The following NTSR1 variants were observed in gnomAD, a reference collection of about 807,000 sequenced individuals.
NTSR1 encodes the protein neurotensin receptor 1.
Under a neutral mutation model 31.2 loss-of-function variants are expected in NTSR1, and 29 were observed. That is an observed-to-expected ratio of 0.93 (90% CI 0.69 to 1.27). NTSR1 has a LOEUF of 1.27. NTSR1 is among the 50% of genes most tolerant of loss of function. NTSR1 has a pLI of 0.00. For synonymous variants in NTSR1, 282 were observed against 269.9 expected, an observed-to-expected ratio of 1.04 and a Z score of -0.44; for missense variants, 697 against 595.4, an observed-to-expected ratio of 1.17 and a Z score of -1.78.
chr20:62,722,590 G>C lies in NTSR1; in HGVS notation c.714+12669G>C, dbSNP rs182184660. Among the ~76,000 whole-genome samples, 472 of 152,312 alleles carry C rather than the reference G, an allele frequency of 3.1e-3. 5 individuals carry two copies. The highest frequency in any genetic ancestry group is 0.011 in the African/African-American group (445 of 41,558). The stretch of plus-strand genomic sequence containing the variant: ...GCAGATGTAGCCACAGCCACAGCCC[G>C]CATCTCTGATCTCTGCCTCCTTGGC... On this transcript the variant is annotated intron_variant, in intron 1 of 3. Coordinates refer to ENST00000370501, the MANE Select transcript of NTSR1 (RefSeq NM_002531.3).
intron 1 of NTSR1, among the ~76,000 whole-genome samples, chr20:62,731,510 A>G (rs997944282): frequency 6.6e-6 from 1 of 152,196 alleles, no homozygotes; most frequent in Non-Finnish European, 1.5e-5. Flanking sequence ...AGATACCTAG[A>G]TTTTATTACC....
At position 62,714,823 on chromosome 20, in the gene NTSR1, G is replaced by A. The variant is rs536035999; in HGVS notation, c.714+4902G>A. ...ACAAGTCAACCTGTCGCAGAAAGCC[G>A]GCACCAAAGCTGATCATTCTTCCTG... On this transcript the variant is annotated intron_variant, in intron 1 of 3. Coordinates refer to ENST00000370501, the MANE Select transcript of NTSR1 (RefSeq NM_002531.3). The surrounding 1 kb of genome is among the most constrained non-coding windows in gnomAD (Gnocchi z 4.1). Among the ~76,000 whole-genome samples, 2 of 152,266 alleles carry A rather than the reference G, an allele frequency of 1.3e-5. No homozygotes were observed. Among genetic ancestry groups the A allele is most frequent in the East Asian group, 1.9e-4 (1 of 5,192 alleles).
At position 62,741,247 on chromosome 20, in the gene NTSR1, C is replaced by A. The variant is rs1043363338; in HGVS notation, c.715-13438C>A. ...CTGCCAGTCCCGCAGCTCAGCCGGG[C>A]ACAGACAGGATGTGGCTTCCAGGGG... On this transcript the variant is annotated intron_variant, in intron 1 of 3. Transcript: ENST00000370501. The surrounding 1 kb of genome is among the most constrained non-coding windows in gnomAD (Gnocchi z 4.3). Among the ~76,000 whole-genome samples the A allele has an allele frequency of 6.4e-4, 97 of 152,350 alleles. No individual in the cohort carries two copies. Among genetic ancestry groups the A allele is most frequent in the Non-Finnish European group, 7.5e-4 (51 of 68,034 alleles).
At position 62,743,780 on chromosome 20, in the gene NTSR1, A is replaced by G. The variant is rs1422843754; in HGVS notation, c.715-10905A>G. On this transcript the variant is annotated intron_variant, in intron 1 of 3. Coordinates refer to ENST00000370501, the MANE Select transcript of NTSR1 (RefSeq NM_002531.3). The surrounding 1 kb of genome is among the most constrained non-coding windows in gnomAD (Gnocchi z 7.5). ...TGAATTAGAGAGAAAGGCAGAATAC[A>G]AAACAAGCAATTGCTCTCGAAGAGC... 6.6e-6 allele frequency among the ~76,000 whole-genome samples: 1 copy of G among 152,246 alleles called. No homozygotes were observed.
chr20:62,752,175 T>C (rs1280858516), intron 1 of NTSR1, among the ~76,000 whole-genome samples: 1 of 152,164 alleles, frequency 6.6e-6, no homozygotes, highest in East Asian at 1.9e-4. Context: ...GGCCTGTCCT[T>C]CCCCTCGCTC....
At chr20:62,728,763 G>A (rs1034839393) in intron 1 of NTSR1, among the ~76,000 whole-genome samples, 1 of 152,170 alleles carries the variant, frequency 6.6e-6, no homozygotes, top group Non-Finnish European at 1.5e-5. Context: ...TCTGCCAAAC[G>A]CCAGAGGCAC....
intron 1 of NTSR1, among the ~76,000 whole-genome samples, chr20:62,737,572 T>C (rs1347533442): frequency 2.0e-5 from 3 of 152,118 alleles, no homozygotes; most frequent in Non-Finnish European, 2.9e-5. Flanking sequence ...GAGCCCTCTG[T>C]GGCCTTGCCC....
intron 1 of NTSR1, among the ~76,000 whole-genome samples, chr20:62,710,193 C>A: frequency 6.6e-6 from 1 of 152,256 alleles, no homozygotes; most frequent in African/African-American, 2.4e-5. Context: ...TTCCTTAAGC[C>A]TAATGGAAAC....
intron 1 of NTSR1, among the ~76,000 whole-genome samples, chr20:62,712,145 T>C (rs1988629123): frequency 6.6e-6 from 1 of 152,194 alleles, no homozygotes; most frequent in African/African-American, 2.4e-5. Context: ...GGAGAGGCCT[T>C]GGCTTCCCCT....
intron 1 of NTSR1, among the ~76,000 whole-genome samples, chr20:62,727,238 CCA>C (rs1275270194): frequency 1.3e-5 from 2 of 152,150 alleles, no homozygotes; most frequent in Non-Finnish European, 1.5e-5. Context: ...CTCCCCGGCC[CCA>C]CAGACCTGTC....
rs758553462 is a variant in NTSR1 at position 62,758,281 on chromosome 20, C to A, written c.932C>A (p.Ala311Asp). The A allele has an allele frequency of 1.9e-6, 3 of 1,613,526 alleles. No homozygotes were observed. In the African/African-American group the frequency reaches 4.0e-5, roughly 22 times the overall value. ...GVRVLRAVVI[A>D]FVVCWLPYHV... Reference sequence around the variant, plus strand: ...TGTGCCTCAGGTGCAGTGGTCATCGCCTTTGTGGTCTGCTGGCTGCCCTAC... The same window carrying A: ...TGTGCCTCAGGTGCAGTGGTCATCGACTTTGTGGTCTGCTGGCTGCCCTAC... Residue 311 changes from alanine (A) to aspartate (D), a missense_variant, in exon 3 of 4, where the codon GCC (alanine) becomes GAC (aspartate). Ala to Asp is a moderately radical substitution (Grantham distance 126). Transcript: ENST00000370501. The surrounding 1 kb of genome is among the most constrained non-coding windows in gnomAD (Gnocchi z 4.5).
At chr20:62,729,557 G>A (rs1988968200) in intron 1 of NTSR1, among the ~76,000 whole-genome samples, 6 of 151,964 alleles carry the variant, frequency 3.9e-5, no homozygotes, top group Admixed American at 3.9e-4. Flanking sequence ...AGACCCCAAG[G>A]CTCACCCCAG....
At position 62,754,728 on chromosome 20, in the gene NTSR1, C is replaced by T. The variant is rs773470664; in HGVS notation, c.758C>T (p.Ser253Leu). The T allele has an allele frequency of 1.9e-6, 3 of 1,612,886 alleles. No homozygotes were observed. The highest frequency in any genetic ancestry group is 1.1e-5 in the South Asian group (1 of 91,086). The change falls in exon 2 of 4, where the codon TCG becomes TTG. Residue 253 changes from serine to leucine, a missense_variant. Coordinates refer to ENST00000370501, the MANE Select transcript of NTSR1 (RefSeq NM_002531.3). ...MSFIFPMVVI[S>L]VLNTIIANKL... ...TTCATATTCCCCATGGTGGTCATCTCGGTCCTGAACACCATCATCGCCAAC... is the reference window on the plus strand; with the variant it reads ...TTCATATTCCCCATGGTGGTCATCTTGGTCCTGAACACCATCATCGCCAAC...
At position 62,715,245 on chromosome 20, in the gene NTSR1, C is replaced by T. The variant is rs1334507362; in HGVS notation, c.714+5324C>T. On this transcript the variant is annotated intron_variant, in intron 1 of 3. Coordinates refer to ENST00000370501, the MANE Select transcript of NTSR1 (RefSeq NM_002531.3). The surrounding 1 kb of genome is among the most constrained non-coding windows in gnomAD (Gnocchi z 4.7). ...TGAGAGGGCAGGACAGGGAGGTGACCTTGGCCTTGTTCCAGGCACCAGACC... is the reference window on the plus strand; with the variant it reads ...TGAGAGGGCAGGACAGGGAGGTGACTTTGGCCTTGTTCCAGGCACCAGACC... Among the ~76,000 whole-genome samples the T allele has an allele frequency of 6.6e-6, 1 of 152,188 alleles. No individual in the cohort carries two copies. The highest frequency in any genetic ancestry group is 1.9e-4 in the East Asian group (1 of 5,198).
In NTSR1 at chr20:62,745,233, A is replaced by G. The variant is rs1011355878; in HGVS notation, c.715-9452A>G. ...GCAACACAAAGACAGAGAGAGAGAC[A>G]CAGAGAGGAAAGCAGAGACACAGAG... On this transcript the variant is annotated intron_variant, in intron 1 of 3. Transcript: ENST00000370501. This position sits in a 1 kb window ranked among gnomAD's most constrained non-coding sequence, Gnocchi z 4.1. Among the ~76,000 whole-genome samples the G allele has an allele frequency of 6.6e-6, 1 of 152,194 alleles. No homozygotes were observed. The highest frequency in any genetic ancestry group is 2.4e-5 in the African/African-American group (1 of 41,448).
rs1568693203 is a variant in NTSR1 at position 62,709,486 on chromosome 20, GCTGCAGAGC to G, written c.289_297del (p.Leu97_Ser99del). On this transcript the variant is annotated inframe_deletion, in exon 1 of 4. Transcript: ENST00000370501. ...CGTTCACGCTGGCGCGGAAGAAGTC[GCTGCAGAGC>G]CTGCAGAGCACGGTGCATTACCACC... 1.9e-6 allele frequency: 3 copies of G among 1,612,592 alleles called. No homozygotes were observed. Among genetic ancestry groups the G allele is most frequent in the South Asian group, 1.1e-5 (1 of 91,078 alleles).
intron 1 of NTSR1, among the ~76,000 whole-genome samples, chr20:62,727,269 C>T (rs1988924526): frequency 6.6e-6 from 1 of 152,188 alleles, no homozygotes; most frequent in South Asian, 2.1e-4. Flanking sequence ...GATGCGCTCT[C>T]TCCGGCTCAC....
chr20:62,724,532 C>A (rs1988874149), intron 1 of NTSR1, among the ~76,000 whole-genome samples: 1 of 152,226 alleles, frequency 6.6e-6, no homozygotes. Flanking sequence ...GCATTTGTGT[C>A]CGATCAGCAC....
At chr20:62,734,204 C>G (rs1431424776) in intron 1 of NTSR1, among the ~76,000 whole-genome samples, 1 of 151,030 alleles carries the variant, frequency 6.6e-6, no homozygotes, top group Non-Finnish European at 1.5e-5. Flanking sequence ...TGGTGGGGGA[C>G]GGGCAAGAGA....
Sources: gnomAD v4.1 joint callset for allele counts (sites outside exome capture counted in the v4.1 genomes callset) on GRCh38, gnomAD v4.1.1 for gene constraint, Gnocchi (gnomAD v3.1) non-coding constraint, MANE v1.5 for transcripts, NCBI Gene and HGNC (gene_info 2026-07-23, HGNC 2026-07-21) for gene names.